Variants in SLC24A2 observed in about 807,000 individuals in gnomAD.
SLC24A2 encodes sodium/potassium/calcium exchanger 2.
A neutral mutation model predicts 62.0 loss-of-function variants in SLC24A2; 36 were observed. The observed-to-expected ratio is 0.58, with a 90% CI of 0.44 to 0.77. The LOEUF (loss-of-function observed/expected upper bound fraction) is 0.77, where lower values mean the gene tolerates loss of function less well. SLC24A2 is among the 30% of genes least tolerant of loss of function. SLC24A2 has a pLI of 0.00. For synonymous variants in SLC24A2, 358 were observed against 294.0 expected, an observed-to-expected ratio of 1.22 and a Z score of -2.23; for missense variants, 846 against 817.9, an observed-to-expected ratio of 1.03 and a Z score of -0.42.
chr9:20,176,662 G>A, the SLC24A2 span, among the ~76,000 whole-genome samples: 3 of 152,088 alleles, frequency 2.0e-5, no homozygotes, highest in Non-Finnish European at 1.5e-5. Context: ...TCAGCCAGGG[G>A]TATAAATGAG....
At chr9:19,988,320 C>G in the SLC24A2 span, among the ~76,000 whole-genome samples, 2 of 152,132 alleles carry the variant, frequency 1.3e-5, no homozygotes, top group African/African-American at 4.8e-5. Flanking sequence ...CAGACACAGG[C>G]TTTTTCAAAG....
At chr9:20,254,882 T>C in the SLC24A2 span, among the ~76,000 whole-genome samples, 4 of 152,160 alleles carry the variant, frequency 2.6e-5, no homozygotes, top group Admixed American at 6.5e-5. Flanking sequence ...GGAGCAAAGA[T>C]ACATCTTACA....
At chr9:19,685,195 G>T (rs917619242) in intron 2 of SLC24A2, among the ~76,000 whole-genome samples, 3 of 151,976 alleles carry the variant, frequency 2.0e-5, no homozygotes, top group African/African-American at 7.2e-5. Flanking sequence ...TAGGAACACA[G>T]CTAACCAGAG....
intron 10 of SLC24A2, among the ~76,000 whole-genome samples, chr9:19,517,165 T>G (rs1832973172): frequency 6.6e-6 from 1 of 152,168 alleles, no homozygotes; most frequent in Admixed American, 6.5e-5. Flanking sequence ...AGAGCTAGTT[T>G]CCACTACACC....
chr9:19,793,833 A>T (rs1192007175), upstream of SLC24A2, among the ~76,000 whole-genome samples: 1 of 152,218 alleles, frequency 6.6e-6, no homozygotes, highest in Non-Finnish European at 1.5e-5. Flanking sequence ...TTCTTCTACC[A>T]ACAGCCCGTC....
intron 5 of SLC24A2, among the ~76,000 whole-genome samples, chr9:19,583,184 C>T (rs939640130): frequency 6.0e-4 from 91 of 152,312 alleles, no homozygotes; most frequent in African/African-American, 2.1e-3. Context: ...CTCACTGCTC[C>T]AGCCACGCTG....
chr9:19,658,185 A>G (rs1818995742), intron 2 of SLC24A2, among the ~76,000 whole-genome samples: 1 of 152,234 alleles, frequency 6.6e-6, no homozygotes, highest in Admixed American at 6.5e-5. Flanking sequence ...ATGACTCAAA[A>G]TATCAGAACA....
chr9:20,286,688 T>C, the SLC24A2 span, among the ~76,000 whole-genome samples: 1 of 152,100 alleles, frequency 6.6e-6, no homozygotes, highest in Non-Finnish European at 1.5e-5. Context: ...CACGGATGAG[T>C]ATGGATAAAT....
chr9:19,846,880 G>A, the SLC24A2 span, among the ~76,000 whole-genome samples: 1 of 152,022 alleles, frequency 6.6e-6, no homozygotes, highest in Non-Finnish European at 1.5e-5. Context: ...AAAAAAATGA[G>A]GCATGGTGGT....
At chr9:19,818,224 C>G in the SLC24A2 span, among the ~76,000 whole-genome samples, 1 of 152,072 alleles carries the variant, frequency 6.6e-6, no homozygotes, top group Non-Finnish European at 1.5e-5. Context: ...CTGTTTTTCA[C>G]AAAGTCTCTA....
At chr9:19,590,978 C>T (rs370483076) in intron 5 of SLC24A2, among the ~76,000 whole-genome samples, 33 of 152,240 alleles carry the variant, frequency 2.2e-4, no homozygotes, top group East Asian at 7.7e-4. Flanking sequence ...GTTCTTCACT[C>T]GGCTCCAGAG....
At chr9:19,937,610 T>C in the SLC24A2 span, among the ~76,000 whole-genome samples, 344 of 152,370 alleles carry the variant, frequency 2.3e-3, 7 homozygotes, top group East Asian at 0.06. Flanking sequence ...CTATACTTTC[T>C]AATGAACACC....
the SLC24A2 span, among the ~76,000 whole-genome samples, chr9:19,899,422 T>C: frequency 6.6e-6 from 1 of 152,310 alleles, no homozygotes; most frequent in South Asian, 2.1e-4. Flanking sequence ...GAGTCTTGAA[T>C]GCAGATTGAG....
At chr9:20,234,358 A>T in the SLC24A2 span, among the ~76,000 whole-genome samples, 1 of 152,152 alleles carries the variant, frequency 6.6e-6, no homozygotes, top group Non-Finnish European at 1.5e-5. Context: ...TCACTTTCAG[A>T]TACACCAGTC....
At chr9:19,877,850 G>T in the SLC24A2 span, among the ~76,000 whole-genome samples, 1 of 152,100 alleles carries the variant, frequency 6.6e-6, no homozygotes, top group Admixed American at 6.5e-5. Flanking sequence ...ACAACTTTGT[G>T]GCGTACACTT....
At chr9:19,563,120 T>TAAAC (rs982460646) in intron 7 of SLC24A2, among the ~76,000 whole-genome samples, 2 of 151,958 alleles carry the variant, frequency 1.3e-5, no homozygotes, top group Admixed American at 1.3e-4. Context: ...AAAATAAAAA[T>TAAAC]AAACAGTCTG....
At chr9:20,081,896 G>A in the SLC24A2 span, among the ~76,000 whole-genome samples, 1 of 152,150 alleles carries the variant, frequency 6.6e-6, no homozygotes, top group African/African-American at 2.4e-5. Flanking sequence ...CCTAACCTAA[G>A]GGAAAATTTC....
chr9:20,054,532 C>T, the SLC24A2 span, among the ~76,000 whole-genome samples: 1 of 152,236 alleles, frequency 6.6e-6, no homozygotes, highest in African/African-American at 2.4e-5. Flanking sequence ...ACCCATCGCC[C>T]AAGCAGCATA....
intron 2 of SLC24A2, among the ~76,000 whole-genome samples, chr9:19,638,782 GATGACATTAAA>G (rs2118059503): frequency 9.8e-5 from 1 of 10,172 alleles, no homozygotes; most frequent in East Asian, 9.4e-3. Flanking sequence ...GATTAAATAA[GATGACATTAAA>G]TAAGATGACA....
Sources: gnomAD v4.1 joint callset for allele counts (sites outside exome capture counted in the v4.1 genomes callset) on GRCh38, gnomAD v4.1.1 for gene constraint, MANE v1.5 for transcripts, NCBI Gene and HGNC (gene_info 2026-07-23, HGNC 2026-07-21) for gene names.